CDK14: variants seen among roughly 807,000 people sequenced by gnomAD.
CDK14 encodes cyclin-dependent kinase 14.
In CDK14, 34 loss-of-function variants were observed where a neutral mutation model predicts 60.7. The observed-to-expected ratio is 0.56, with a 90% CI of 0.43 to 0.75. The LOEUF is 0.75. Ranked by LOEUF, CDK14 falls within the 30% of genes least tolerant of loss-of-function variation. CDK14 has a pLI of 0.00. For synonymous variants in CDK14, 197 were observed against 203.7 expected (o/e 0.97, Z 0.28); for missense variants, 482 against 564.1 (o/e 0.85, Z 1.47).
chr7:90,747,060 T>C (rs1174424038), intron 3 of CDK14, among the ~76,000 whole-genome samples: 1 of 152,214 alleles, frequency 6.6e-6, no homozygotes, highest in Non-Finnish European at 1.5e-5. Flanking sequence ...TTGAAAACCA[T>C]GAAACAATAT....
At chr7:91,137,340 G>C (rs934357627) in intron 14 of CDK14, among the ~76,000 whole-genome samples, 2 of 152,132 alleles carry the variant, frequency 1.3e-5, no homozygotes, top group African/African-American at 4.8e-5. Flanking sequence ...CCACCAGGAA[G>C]GTCAGGCCGC....
intron 10 of CDK14, among the ~76,000 whole-genome samples, chr7:90,998,704 C>T (rs956038598): frequency 5.3e-5 from 8 of 152,146 alleles, no homozygotes; most frequent in East Asian, 1.9e-4. Context: ...CTGGCTAACA[C>T]GGTGAAACCC....
chr7:90,963,541 A>T (rs1220142338), intron 9 of CDK14, among the ~76,000 whole-genome samples: 1 of 152,136 alleles, frequency 6.6e-6, no homozygotes, highest in South Asian at 2.1e-4. Context: ...TTCTCTGAAC[A>T]TTATCAACCT....
In CDK14 at chr7:90,796,285, G is replaced by T. The variant is rs571457085; in HGVS notation, c.544+5633G>T. On this transcript the variant is annotated intron_variant, in intron 5 of 14. Transcript: ENST00000380050. The stretch of plus-strand genomic sequence containing the variant: ...TATCAATTAGAAAAAGAAGAAACTG[G>T]AAGCTGATAAGTCAGTCATTCAGTG... Among the ~76,000 whole-genome samples the T allele has an allele frequency of 2.6e-5, 4 of 152,236 alleles. No individual in the cohort carries two copies. In the East Asian group the frequency reaches 5.8e-4, roughly 22 times the overall value.
intron 8 of CDK14, among the ~76,000 whole-genome samples, chr7:90,950,051 A>G (rs1367911698): frequency 2.0e-5 from 3 of 152,182 alleles, no homozygotes; most frequent in Non-Finnish European, 4.4e-5. Context: ...TGTTATTCGC[A>G]TTGAGGAATG....
intron 2 of CDK14, among the ~76,000 whole-genome samples, chr7:90,670,504 G>T (rs1467408470): frequency 1.3e-5 from 2 of 152,180 alleles, no homozygotes; most frequent in African/African-American, 2.4e-5. Flanking sequence ...AAAGAAAAGA[G>T]GTTTAATTGG....
intron 10 of CDK14, among the ~76,000 whole-genome samples, chr7:91,041,150 C>A (rs1356195877): frequency 6.6e-6 from 1 of 150,892 alleles, no homozygotes; most frequent in African/African-American, 2.4e-5. Context: ...GGGGTGTAGA[C>A]CTCCACGGAT....
At chr7:90,615,151 A>G (rs1799624739) in intron 2 of CDK14, among the ~76,000 whole-genome samples, 1 of 152,198 alleles carries the variant, frequency 6.6e-6, no homozygotes, top group Admixed American at 6.5e-5. Flanking sequence ...TAAGGTTTTT[A>G]TGACCCATGT....
At chr7:91,063,175 A>T (rs1797860376) in intron 11 of CDK14, among the ~76,000 whole-genome samples, 1 of 152,208 alleles carries the variant, frequency 6.6e-6, no homozygotes, top group Admixed American at 6.5e-5. Flanking sequence ...CTCCTAGCTA[A>T]AACAAGTGAG....
chr7:90,779,293 G>C (rs1269059653), intron 4 of CDK14, among the ~76,000 whole-genome samples: 1 of 152,110 alleles, frequency 6.6e-6, no homozygotes, highest in Non-Finnish European at 1.5e-5. Flanking sequence ...ATGCTGTGTT[G>C]CCTAGGCTGA....
intron 4 of CDK14, among the ~76,000 whole-genome samples, chr7:90,763,039 A>T (rs1246846826): frequency 2.0e-5 from 3 of 152,202 alleles, no homozygotes; most frequent in Admixed American, 6.5e-5. Flanking sequence ...ACTTCTGATG[A>T]TTCAGAAGAT....
intron 2 of CDK14, among the ~76,000 whole-genome samples, chr7:90,719,432 A>T (rs1047434727): frequency 2.6e-5 from 4 of 152,166 alleles, no homozygotes; most frequent in Non-Finnish European, 5.9e-5. Context: ...GCCAACCTTA[A>T]CTGAATTAAG....
intron 12 of CDK14, among the ~76,000 whole-genome samples, chr7:91,080,819 A>G (rs1798465466): frequency 6.6e-6 from 1 of 152,216 alleles, no homozygotes; most frequent in African/African-American, 2.4e-5. Flanking sequence ...TGAAACTATC[A>G]TACTGTAGCA....
rs558245936 is a variant in CDK14, at chr7:90,948,977, C to G, written c.827-6720C>G. ...ATTCTAACTAGTTGGTTTTCCACAT[C>G]TATTAATTTCACTTAAAGTTGTTAT... On this transcript the variant is annotated intron_variant, in intron 8 of 14. Transcript: ENST00000380050. Among the ~76,000 whole-genome samples, 12 of 152,226 alleles carry G rather than the reference C, an allele frequency of 7.9e-5. No homozygotes were observed. The South Asian group carries it at 2.5e-3, about 32-fold the overall frequency.
intron 4 of CDK14, among the ~76,000 whole-genome samples, chr7:90,766,934 C>T (rs568194759): frequency 1.3e-5 from 2 of 152,274 alleles, no homozygotes; most frequent in Admixed American, 1.3e-4. Context: ...CTCTCCCTTG[C>T]CTGCAGTGTC....
At position 91,207,601 on chromosome 7, in the gene CDK14, C is replaced by A. The variant is rs57094099; in HGVS notation, c.*465C>A. On this transcript the variant is annotated 3_prime_UTR_variant, in exon 15 of 15. Transcript: ENST00000380050. Reference sequence around the variant, plus strand: ...AAACAATGTGTGTTTTCTTTGAGAGCAGTGCACATTTTGCAACCACTAGGA... The same window carrying A: ...AAACAATGTGTGTTTTCTTTGAGAGAAGTGCACATTTTGCAACCACTAGGA... 0.016 allele frequency: 2,385 copies of A among 152,736 alleles called. 188 individuals carry two copies. In the East Asian group the frequency reaches 0.25, roughly 16 times the overall value. The allele number at this position is 152,736 out of a possible 1,614,324, so 9.5% of individuals were successfully genotyped here.
At chr7:91,122,202 C>T (rs1562913628) in intron 14 of CDK14, among the ~76,000 whole-genome samples, 1 of 152,118 alleles carries the variant, frequency 6.6e-6, no homozygotes, top group Non-Finnish European at 1.5e-5. Context: ...AAGTTAACTG[C>T]ATGCATGTTT....
rs150296971 is a variant in CDK14, at chr7:90,965,445, C to T, written c.947+9628C>T. Reference sequence around the variant, plus strand: ...CTACAACTTCTTTGGGGAAGCTTCTCTCCCATAGCACTAGTTGTCAGTAGA... The same window carrying T: ...CTACAACTTCTTTGGGGAAGCTTCTTTCCCATAGCACTAGTTGTCAGTAGA... On this transcript the variant is annotated intron_variant, in intron 9 of 14. Transcript: ENST00000380050. 1.3e-3 allele frequency among the ~76,000 whole-genome samples: 200 copies of T among 152,328 alleles called. 3 individuals carry two copies. The highest frequency in any genetic ancestry group is 6.8e-4 in the Non-Finnish European group (46 of 68,036).
At chr7:91,105,692 A>G (rs79044841) in intron 12 of CDK14, among the ~76,000 whole-genome samples, 2 of 152,328 alleles carry the variant, frequency 1.3e-5, no homozygotes, top group Non-Finnish European at 2.9e-5. Context: ...GGAAAAAGTT[A>G]TTGCAAGTGA....
Sources: gnomAD v4.1 joint callset for allele counts (sites outside exome capture counted in the v4.1 genomes callset) on GRCh38, gnomAD v4.1.1 for gene constraint, MANE v1.5 for transcripts, NCBI Gene and HGNC (gene_info 2026-07-23, HGNC 2026-07-21) for gene names.